Variants in CASZ1 observed in about 807,000 individuals in gnomAD.
CASZ1 encodes the protein castor zinc finger 1.
CASZ1 carries 28 observed loss-of-function variants against 135.2 expected under a neutral mutation model. The ratio of observed to expected loss-of-function variants is 0.21; its 90% CI spans 0.15 to 0.28. The LOEUF (loss-of-function observed/expected upper bound fraction) is 0.28, where lower values mean the gene tolerates loss of function less well. Ranked by LOEUF, CASZ1 falls within the 10% of genes least tolerant of loss-of-function variation. The pLI, the probability that CASZ1 is intolerant of heterozygous loss-of-function variation, is 1.00. For synonymous variants in CASZ1, 1,068 were observed against 1,073.4 expected, an observed-to-expected ratio of 0.99 and a Z score of 0.10; for missense variants, 2,161 against 2,453.3, an observed-to-expected ratio of 0.88 and a Z score of 2.52.
intron 1 of CASZ1, among the ~76,000 whole-genome samples, chr1:10,761,601 A>G (rs546328762): frequency 6.6e-6 from 1 of 152,102 alleles, no homozygotes; most frequent in Non-Finnish European, 1.5e-5. Context: ...CTTTGTGTCA[A>G]TTTAAACAAA....
At chr1:10,782,446 G>C (rs558633626) in intron 1 of CASZ1, among the ~76,000 whole-genome samples, 16 of 152,186 alleles carry the variant, frequency 1.1e-4, no homozygotes, top group African/African-American at 3.6e-4. Context: ...ATTAAAATAG[G>C]TCTCTAAGAG....
In CASZ1 at chr1:10,725,025, C is replaced by T. The variant is rs550834090; in HGVS notation, c.-76-19481G>A. Among the ~76,000 whole-genome samples, 10 of 152,282 alleles carry T rather than the reference C, an allele frequency of 6.6e-5. 1 individual carries two copies. The East Asian group carries it at 1.7e-3, about 26-fold the overall frequency. On this transcript the variant is annotated intron_variant, in intron 2 of 20. Coordinates refer to ENST00000377022, the MANE Select transcript of CASZ1 (RefSeq NM_001079843.3). This position sits in a 1 kb window ranked among gnomAD's most constrained non-coding sequence, Gnocchi z 4.4. ...GGAGTAATTGGGACCACATGTTGGC[C>T]GGGAGGGAGCCCACAGAGGACGGAG...
rs1301265359 is a variant in CASZ1 at position 10,752,322 on chromosome 1, C to T, written c.-77+8379G>A. Among the ~76,000 whole-genome samples, 3 of 152,208 alleles carry T rather than the reference C, an allele frequency of 2.0e-5. No individual in the cohort carries two copies. The East Asian group carries it at 5.8e-4, about 29-fold the overall frequency. On this transcript the variant is annotated intron_variant, in intron 2 of 20. Transcript: ENST00000377022. ...AGCGGATGGTCATCTTTCCAAATTA[C>T]CCCAGAAACTTCAGGTGGCCTCCTC...
chr1:10,759,798 C>G lies in CASZ1; in HGVS notation c.-77+903G>C, dbSNP rs555814110. Among the ~76,000 whole-genome samples the G allele has an allele frequency of 6.3e-4, 96 of 152,122 alleles. No individual in the cohort carries two copies. Among genetic ancestry groups the G allele is most frequent in the Non-Finnish European group, 1.2e-3 (82 of 67,974 alleles). The stretch of plus-strand genomic sequence containing the variant: ...GGGACACCGGCTCCAGGCTGGCACA[C>G]ATAGGAAGAGCAGCCCCCGGCCCTG... On this transcript the variant is annotated intron_variant, in intron 2 of 20. Coordinates refer to ENST00000377022, the MANE Select transcript of CASZ1 (RefSeq NM_001079843.3). The surrounding 1 kb of genome is among the most constrained non-coding windows in gnomAD (Gnocchi z 4.2).
chr1:10,792,844 G>T (rs1304465975), intron 1 of CASZ1, among the ~76,000 whole-genome samples: 1 of 152,050 alleles, frequency 6.6e-6, no homozygotes, highest in East Asian at 1.9e-4. Flanking sequence ...ATATTTGGGT[G>T]ACAATTTTCC....
At chr1:10,655,937 G>T in intron 8 of CASZ1, 124 bp from the exon 9 acceptor site, 1 of 937,680 alleles carries the variant, frequency 1.1e-6, no homozygotes, top group Non-Finnish European at 1.6e-6. Context: ...CCTGCTTGGG[G>T]TCAAGGCAGC....
rs1045381690 is a variant in CASZ1, at chr1:10,788,772, G to A, written c.-234+7792C>T. ...AGCTGGTCACTGGCAGGGCTGGCCC[G>A]GGAGCTGTGCCATGCCCTGGGCCAG... On this transcript the variant is annotated intron_variant, in intron 1 of 20. Coordinates refer to ENST00000377022, the MANE Select transcript of CASZ1 (RefSeq NM_001079843.3). This position sits in a 1 kb window ranked among gnomAD's most constrained non-coding sequence, Gnocchi z 4.1. Among the ~76,000 whole-genome samples, 428 of 152,254 alleles carry A rather than the reference G, an allele frequency of 2.8e-3. No homozygotes were observed. The highest frequency in any genetic ancestry group is 8.2e-3 in the Admixed American group (126 of 15,306).
In CASZ1 at chr1:10,711,343, T is replaced by G. The variant is rs1015270499; in HGVS notation, c.-76-5799A>C. Among the ~76,000 whole-genome samples, 1 of 152,194 alleles carries G rather than the reference T, an allele frequency of 6.6e-6. No individual in the cohort carries two copies. The highest frequency in any genetic ancestry group is 1.5e-5 in the Non-Finnish European group (1 of 68,032). On this transcript the variant is annotated intron_variant, in intron 2 of 20. Transcript: ENST00000377022. The surrounding 1 kb of genome is among the most constrained non-coding windows in gnomAD (Gnocchi z 4.4). ...TTTCTTGGGCACCTACTACATGCTATTAGATCCTTGTCCTAGACCTAGAGA... is the reference window on the plus strand; with the variant it reads ...TTTCTTGGGCACCTACTACATGCTAGTAGATCCTTGTCCTAGACCTAGAGA...
chr1:10,760,353 G>C (rs1304701893), intron 2 of CASZ1, among the ~76,000 whole-genome samples: 3 of 152,210 alleles, frequency 2.0e-5, no homozygotes, highest in Non-Finnish European at 4.4e-5. Flanking sequence ...CAAAGCCTGG[G>C]CTGCATTGTT....
chr1:10,793,862 G>A (rs1641006970), intron 1 of CASZ1, among the ~76,000 whole-genome samples: 1 of 152,152 alleles, frequency 6.6e-6, no homozygotes, highest in African/African-American at 2.4e-5. Context: ...CCTAAAAACC[G>A]AAGTTTGGGA....
At position 10,657,350 on chromosome 1, in the gene CASZ1, G is replaced by A. The variant is rs538010315; in HGVS notation, c.1410-614C>T. Among the ~76,000 whole-genome samples, 65 of 152,194 alleles carry A rather than the reference G, an allele frequency of 4.3e-4. 1 individual carries two copies. The highest frequency in any genetic ancestry group is 8.5e-4 in the Non-Finnish European group (58 of 68,034). On this transcript the variant is annotated intron_variant, in intron 7 of 20. Coordinates refer to ENST00000377022, the MANE Select transcript of CASZ1 (RefSeq NM_001079843.3). This position sits in a 1 kb window ranked among gnomAD's most constrained non-coding sequence, Gnocchi z 5.7. ...GCTGGGACGTGGCTCCCACAGCCTC[G>A]GTGACGGCCGGCCGTGGGGAGGCCA...
intron 3 of CASZ1, among the ~76,000 whole-genome samples, chr1:10,705,228 C>T (rs979252744): frequency 2.0e-5 from 3 of 152,256 alleles, no homozygotes; most frequent in Non-Finnish European, 4.4e-5. Flanking sequence ...GCCCTGAGCA[C>T]GTTCCTTCCC....
In CASZ1 at chr1:10,724,002, C is replaced by A. The variant is rs1243930405; in HGVS notation, c.-76-18458G>T. Among the ~76,000 whole-genome samples, 1 of 152,172 alleles carries A rather than the reference C, an allele frequency of 6.6e-6. No individual in the cohort carries two copies. Among genetic ancestry groups the A allele is most frequent in the Non-Finnish European group, 1.5e-5 (1 of 68,030 alleles). On this transcript the variant is annotated intron_variant, in intron 2 of 20. Coordinates refer to ENST00000377022, the MANE Select transcript of CASZ1 (RefSeq NM_001079843.3). The surrounding 1 kb of genome is among the most constrained non-coding windows in gnomAD (Gnocchi z 4.1). ...CTAAACTCACACCCAACCGCTAGCA[C>A]CTGCCCCAGCCTCCCATATCACTTT... is the stretch of plus-strand genomic sequence containing the variant.
chr1:10,689,413 G>T (rs1638695761), intron 4 of CASZ1, among the ~76,000 whole-genome samples: 1 of 152,222 alleles, frequency 6.6e-6, no homozygotes, highest in African/African-American at 2.4e-5. Context: ...GGCTGTGGGG[G>T]CTGGGGGAAC....
chr1:10,765,175 G>A (rs1640450965), intron 1 of CASZ1, among the ~76,000 whole-genome samples: 1 of 152,164 alleles, frequency 6.6e-6, no homozygotes, highest in Non-Finnish European at 1.5e-5. Flanking sequence ...TCACCTGGGG[G>A]AATGTGGGTA....
rs183511670 is a variant in CASZ1, at chr1:10,727,752, G to T, written c.-76-22208C>A. Among the ~76,000 whole-genome samples the T allele has an allele frequency of 4.1e-4, 63 of 152,340 alleles. No homozygotes were observed. The highest frequency in any genetic ancestry group is 1.4e-3 in the Admixed American group (22 of 15,308). On this transcript the variant is annotated intron_variant, in intron 2 of 20. Transcript: ENST00000377022. The surrounding 1 kb of genome is among the most constrained non-coding windows in gnomAD (Gnocchi z 5.3). ...GGCCTTCACCTCGTTCCTGATCAGA[G>T]GCTGAGGAAGGCCAGGCAGCAGCTG...
intron 1 of CASZ1, among the ~76,000 whole-genome samples, chr1:10,768,513 T>C (rs1640518965): frequency 6.6e-6 from 1 of 152,160 alleles, no homozygotes. Context: ...CCACTGCACC[T>C]GGCCTATTGT....
chr1:10,790,717 C>T (rs890710099), intron 1 of CASZ1, among the ~76,000 whole-genome samples: 3 of 152,166 alleles, frequency 2.0e-5, no homozygotes, highest in African/African-American at 7.2e-5. Flanking sequence ...GTGAGTACAA[C>T]ATAAATGCTT....
chr1:10,670,213 T>C (rs1053403362), intron 4 of CASZ1, among the ~76,000 whole-genome samples: 1 of 152,232 alleles, frequency 6.6e-6, no homozygotes, highest in Non-Finnish European at 1.5e-5. Context: ...TCGTCTGTGC[T>C]GGGTGCCTTA....
Sources: gnomAD v4.1 joint callset for allele counts (sites outside exome capture counted in the v4.1 genomes callset) on GRCh38, gnomAD v4.1.1 for gene constraint, Gnocchi (gnomAD v3.1) non-coding constraint, MANE v1.5 for transcripts, NCBI Gene and HGNC (gene_info 2026-07-23, HGNC 2026-07-21) for gene names.